Variants in THADA observed in about 807,000 individuals in gnomAD.
THADA encodes the protein THADA armadillo repeat containing.
THADA carries 213 observed loss-of-function variants against 219.8 expected under a neutral mutation model. The ratio of observed to expected loss-of-function variants is 0.97; its 90% CI spans 0.87 to 1.09. THADA has a LOEUF of 1.09. Among genes scored for constraint, THADA ranks in the 50% least tolerant of loss-of-function variants. THADA has a pLI of 0.00. For missense variants in THADA, 2,956 were observed against 2,311.3 expected (o/e 1.28, Z -5.72); for synonymous variants, 1,018 against 828.9 (o/e 1.23, Z -3.92).
chr2:43,482,925 T>C (rs948153277), intron 26 of THADA, among the ~76,000 whole-genome samples: 5 of 152,140 alleles, frequency 3.3e-5, no homozygotes, highest in Non-Finnish European at 5.9e-5. Flanking sequence ...TTATTCCTGG[T>C]ATATAGATGG....
In THADA at chr2:43,313,988, T is replaced by C. The variant is rs544962982; in HGVS notation, c.4438+6458A>G. Among the ~76,000 whole-genome samples the C allele has an allele frequency of 2.6e-5, 4 of 152,356 alleles. No individual in the cohort carries two copies. In the East Asian group the frequency reaches 7.7e-4, roughly 29 times the overall value. Reference sequence around the variant, plus strand: ...GGAACATTAGTACTTTCTTCATTAATGCACATAAAATGCTTGGCAGTGCTT... The same window carrying C: ...GGAACATTAGTACTTTCTTCATTAACGCACATAAAATGCTTGGCAGTGCTT... On this transcript the variant is annotated intron_variant, in intron 31 of 37. Coordinates refer to ENST00000405975, the MANE Select transcript of THADA (RefSeq NM_022065.5).
intron 22 of THADA, among the ~76,000 whole-genome samples, chr2:43,527,403 A>C (rs543495765): frequency 6.6e-6 from 1 of 152,216 alleles, no homozygotes; most frequent in South Asian, 2.1e-4. Context: ...GTAGTTTTCC[A>C]GGTAAAAGGA....
chr2:43,527,831 T>C (rs1467598912), intron 22 of THADA, 48 bp downstream of exon 22: 1 of 1,317,946 alleles, frequency 7.6e-7, no homozygotes, highest in African/African-American at 1.5e-5. Flanking sequence ...GCATATGCTT[T>C]GTATATTTAG....
At chr2:43,369,599 T>C (rs889950938) in intron 29 of THADA, among the ~76,000 whole-genome samples, 1 of 152,188 alleles carries the variant, frequency 6.6e-6, no homozygotes, top group African/African-American at 2.4e-5. Flanking sequence ...ATCAGTTAGG[T>C]TGCTCATTAA....
At chr2:43,295,266 C>T (rs545126601) in intron 31 of THADA, among the ~76,000 whole-genome samples, 11 of 152,294 alleles carry the variant, frequency 7.2e-5, no homozygotes, top group Middle Eastern at 3.4e-3. Context: ...TGCCTAAATG[C>T]CCAAAATCAA....
At chr2:43,535,473 G>A (rs1002510012) in intron 21 of THADA, among the ~76,000 whole-genome samples, 2 of 151,346 alleles carry the variant, frequency 1.3e-5, no homozygotes, top group African/African-American at 2.4e-5. Flanking sequence ...GAGGTCAGGA[G>A]TCTGAGACCA....
chr2:43,253,153 G>T (rs1204658855), intron 36 of THADA, among the ~76,000 whole-genome samples: 1 of 152,158 alleles, frequency 6.6e-6, no homozygotes, highest in African/African-American at 2.4e-5. Flanking sequence ...TGTGGTTTTA[G>T]GGCAGGGGAG....
At chr2:43,473,181 G>A (rs933452458) in intron 26 of THADA, among the ~76,000 whole-genome samples, 5 of 151,960 alleles carry the variant, frequency 3.3e-5, no homozygotes, top group African/African-American at 9.7e-5. Flanking sequence ...TTGATCTTTT[G>A]TAACAAAGGT....
intron 15 of THADA, chr2:43,562,234 T>A (rs1425444003): frequency 6.6e-6 from 1 of 152,178 alleles, no homozygotes; most frequent in Non-Finnish European, 1.5e-5. Flanking sequence ...CTTTTCCTTC[T>A]CTTCTCCTCT....
intron 20 of THADA, among the ~76,000 whole-genome samples, chr2:43,543,780 C>A (rs1419204935): frequency 6.6e-6 from 1 of 152,034 alleles, no homozygotes; most frequent in African/African-American, 2.4e-5. Flanking sequence ...AGCCCTTTGT[C>A]AGATGAGTAG....
chr2:43,496,719 G>A (rs1478958001), intron 25 of THADA, among the ~76,000 whole-genome samples: 3 of 151,924 alleles, frequency 2.0e-5, no homozygotes, highest in Admixed American at 6.6e-5. Context: ...ACTTGTGCAT[G>A]GCTGATGGGA....
At chr2:43,338,128 T>C (rs368666098) in intron 30 of THADA, among the ~76,000 whole-genome samples, 9 of 151,772 alleles carry the variant, frequency 5.9e-5, no homozygotes, top group African/African-American at 2.2e-4. Context: ...AGCACATCCA[T>C]ATTGTTGTGT....
At chr2:43,564,094 T>C (rs1698395328) in intron 15 of THADA, 1 of 152,258 alleles carries the variant, frequency 6.6e-6, no homozygotes, top group African/African-American at 2.4e-5. Context: ...TAGATGCAGC[T>C]ACAACTGCTT....
intron 14 of THADA, among the ~76,000 whole-genome samples, chr2:43,568,474 A>C (rs1298950530): frequency 1.3e-5 from 2 of 152,180 alleles, no homozygotes; most frequent in Non-Finnish European, 2.9e-5. Flanking sequence ...AGTAGGGAAA[A>C]AGTACCACAA....
At chr2:43,420,112 G>A (rs1677507633) in intron 28 of THADA, among the ~76,000 whole-genome samples, 1 of 152,278 alleles carries the variant, frequency 6.6e-6, no homozygotes, top group South Asian at 2.1e-4. Context: ...CACCATGGGT[G>A]ATTTCTAAAA....
chr2:43,297,112 G>C (rs1198412927), intron 31 of THADA, among the ~76,000 whole-genome samples: 1 of 95,616 alleles, frequency 1.0e-5, no homozygotes, highest in Non-Finnish European at 2.1e-5. Context: ...CTTCCCAGCC[G>C]CCATCACATC....
intron 36 of THADA, among the ~76,000 whole-genome samples, chr2:43,275,834 C>T (rs1407063258): frequency 6.6e-6 from 1 of 152,234 alleles, no homozygotes; most frequent in African/African-American, 2.4e-5. Context: ...CAGAACTCTG[C>T]CTAACTTAAG....
rs375625100 is a variant in THADA at position 43,505,750 on chromosome 2, T to C, written c.3508-15A>G. On this transcript the variant is annotated splice_polypyrimidine_tract_variant and intron_variant, in intron 23 of 37. Transcript: ENST00000405975. ...GCCAACAGTGCCTATGGAAAAAGAA[T>C]GCAAAAATTAACAGGGTTCTTAGTT... The C allele has an allele frequency of 1.5e-5, 23 of 1,545,204 alleles. No individual in the cohort carries two copies. In the African/African-American group the frequency reaches 2.9e-4, roughly 19 times the overall value.
chr2:43,499,387 A>G (rs1688644960), intron 24 of THADA, among the ~76,000 whole-genome samples: 1 of 152,054 alleles, frequency 6.6e-6, no homozygotes, highest in Non-Finnish European at 1.5e-5. Flanking sequence ...ATTTTATTTT[A>G]TTTTATTAGA....
Sources: allele counts gnomAD v4.1 joint callset (sites outside exome capture counted in the v4.1 genomes callset), GRCh38; gene constraint gnomAD v4.1.1; transcripts MANE v1.5; gene names NCBI Gene and HGNC (gene_info 2026-07-23, HGNC 2026-07-21).